The following PPP2R2B variants were observed in gnomAD, a reference collection of about 807,000 sequenced individuals.
PPP2R2B encodes the protein serine/threonine-protein phosphatase 2A 55 kDa regulatory subunit B beta isoform.
A neutral mutation model predicts 46.0 loss-of-function variants in PPP2R2B; 5 were observed. The observed-to-expected ratio is 0.11, with a 90% CI of 0.06 to 0.23. The LOEUF is 0.23. Ranked by LOEUF, PPP2R2B falls within the 10% of genes least tolerant of loss-of-function variation. The pLI, the probability that PPP2R2B is intolerant of heterozygous loss-of-function variation, is 1.00. For synonymous variants in PPP2R2B, 215 were observed against 206.7 expected (o/e 1.04, Z -0.34); for missense variants, 367 against 575.0 (o/e 0.64, Z 3.70).
At chr5:146,680,352 A>G (rs1353776653) in intron 5 of PPP2R2B, among the ~76,000 whole-genome samples, 1 of 148,144 alleles carries the variant, frequency 6.8e-6, no homozygotes, top group Non-Finnish European at 1.5e-5. Context: ...CAATGAGATC[A>G]CGTGGACACA....
At chr5:146,690,564 A>T (rs1233056866) in intron 5 of PPP2R2B, among the ~76,000 whole-genome samples, 2 of 152,238 alleles carry the variant, frequency 1.3e-5, no homozygotes, top group Non-Finnish European at 2.9e-5. Flanking sequence ...ATTGAGGACC[A>T]GCCATAGAGG....
At chr5:147,069,023 T>C (rs536361700) in intron 2 of PPP2R2B, among the ~76,000 whole-genome samples, 2 of 152,084 alleles carry the variant, frequency 1.3e-5, no homozygotes, top group South Asian at 2.1e-4. Flanking sequence ...CAGTAAAAAA[T>C]AAAATGAAAA....
At chr5:146,653,501 C>T (rs567726991) in intron 5 of PPP2R2B, among the ~76,000 whole-genome samples, 1 of 152,286 alleles carries the variant, frequency 6.6e-6, no homozygotes, top group Non-Finnish European at 1.5e-5. Flanking sequence ...CCTGGTTCCT[C>T]TGCCGTCAAG....
intron 1 of PPP2R2B, among the ~76,000 whole-genome samples, chr5:147,020,624 T>G (rs997107765): frequency 5.9e-5 from 9 of 152,150 alleles, no homozygotes; most frequent in African/African-American, 1.7e-4. Flanking sequence ...GAAAAGTTGC[T>G]TGACTGTATC....
At chr5:146,700,176 T>C (rs1307342418) in intron 3 of PPP2R2B, among the ~76,000 whole-genome samples, 1 of 152,130 alleles carries the variant, frequency 6.6e-6, no homozygotes, top group Non-Finnish European at 1.5e-5. Flanking sequence ...GGAAGTCTCT[T>C]GTGAAACCTT....
At chr5:146,728,261 G>A (rs1752005169) in intron 2 of PPP2R2B, among the ~76,000 whole-genome samples, 1 of 150,438 alleles carries the variant, frequency 6.6e-6, no homozygotes, top group South Asian at 2.1e-4. Context: ...ATCAGGAAGG[G>A]GAAAAATGTT....
chr5:146,749,606 CTT>C (rs1045634394), intron 2 of PPP2R2B, among the ~76,000 whole-genome samples: 6 of 103,836 alleles, frequency 5.8e-5, no homozygotes, highest in African/African-American at 1.8e-4. Context: ...CTTTTCTTTT[CTT>C]TTTTTTTTTT....
At chr5:146,837,826 A>G (rs1397032438) in intron 2 of PPP2R2B, among the ~76,000 whole-genome samples, 1 of 152,210 alleles carries the variant, frequency 6.6e-6, no homozygotes, top group Admixed American at 6.5e-5. Context: ...CGAATAGCAC[A>G]ATTCTAGGAA....
chr5:146,784,585 T>C (rs1289040104), intron 2 of PPP2R2B, among the ~76,000 whole-genome samples: 2 of 152,176 alleles, frequency 1.3e-5, no homozygotes, highest in African/African-American at 2.4e-5. Flanking sequence ...TCTAAATATA[T>C]ACAATCTGTA....
chr5:146,602,333 A>G (rs933011723), intron 7 of PPP2R2B, among the ~76,000 whole-genome samples: 1 of 152,202 alleles, frequency 6.6e-6, no homozygotes, highest in African/African-American at 2.4e-5. Context: ...CAAATGTTCA[A>G]TGAATATTTG....
At chr5:146,984,579 T>G (rs545324539) in intron 1 of PPP2R2B, among the ~76,000 whole-genome samples, 1 of 152,342 alleles carries the variant, frequency 6.6e-6, no homozygotes, top group South Asian at 2.1e-4. Flanking sequence ...AAACTGATTT[T>G]AATGTCTTTG....
intron 1 of PPP2R2B, among the ~76,000 whole-genome samples, chr5:147,043,400 G>A (rs1027318187): frequency 1.1e-4 from 16 of 151,992 alleles, no homozygotes; most frequent in Admixed American, 2.6e-4. Context: ...GAAGAGAAAC[G>A]CAGAGAAAAG....
At chr5:146,814,349 A>G (rs192607341) in intron 2 of PPP2R2B, among the ~76,000 whole-genome samples, 1 of 152,132 alleles carries the variant, frequency 6.6e-6, no homozygotes. Flanking sequence ...CTTATGTTAC[A>G]GTAGGTAGCT....
chr5:146,959,844 T>C (rs1752091220), intron 1 of PPP2R2B, among the ~76,000 whole-genome samples: 1 of 152,040 alleles, frequency 6.6e-6, no homozygotes, highest in African/African-American at 2.4e-5. Flanking sequence ...CCAGCTGACA[T>C]ACTAAGGAAG....
chr5:147,032,817 G>A (rs556245772), intron 1 of PPP2R2B, among the ~76,000 whole-genome samples: 24 of 152,258 alleles, frequency 1.6e-4, no homozygotes, highest in South Asian at 8.3e-4. Flanking sequence ...TGCTATAAAC[G>A]TGCGTGTGCA....
chr5:146,634,266 AT>A (rs1462102432), intron 7 of PPP2R2B, among the ~76,000 whole-genome samples: 1 of 151,890 alleles, frequency 6.6e-6, no homozygotes, highest in African/African-American at 2.4e-5. Flanking sequence ...GGAACATTGT[AT>A]TTTTCCCCCC....
intron 2 of PPP2R2B, among the ~76,000 whole-genome samples, chr5:146,725,040 AT>A (rs1183361568): frequency 1.0e-4 from 15 of 150,054 alleles, no homozygotes; most frequent in African/African-American, 3.6e-4. Context: ...ATATACTTCT[AT>A]TAATGCGATC....
chr5:146,959,767 G>T (rs999439610), intron 1 of PPP2R2B, among the ~76,000 whole-genome samples: 1 of 152,162 alleles, frequency 6.6e-6, no homozygotes, highest in Non-Finnish European at 1.5e-5. Flanking sequence ...TAAGTGAGTT[G>T]TTATGCTGAT....
At chr5:146,991,315 T>C (rs1481066839) in intron 1 of PPP2R2B, among the ~76,000 whole-genome samples, 1 of 152,060 alleles carries the variant, frequency 6.6e-6, no homozygotes, top group Non-Finnish European at 1.5e-5. Flanking sequence ...AGATAGGAAA[T>C]CAACCTATGT....
Sources: allele counts gnomAD v4.1 joint callset (sites outside exome capture counted in the v4.1 genomes callset), GRCh38; gene constraint gnomAD v4.1.1; transcripts MANE v1.5; gene names NCBI Gene and HGNC (gene_info 2026-07-23, HGNC 2026-07-21).